C8orf34: variants seen among roughly 807,000 people sequenced by gnomAD.
The protein encoded by C8orf34 is uncharacterized protein C8orf34.
A neutral mutation model predicts 68.3 loss-of-function variants in C8orf34; 65 were observed. The observed-to-expected ratio is 0.95, with a 90% CI of 0.78 to 1.17. The LOEUF (loss-of-function observed/expected upper bound fraction) is 1.17. Among genes scored for constraint, C8orf34 ranks in the 50% most tolerant of loss-of-function variants. C8orf34 has a pLI of 0.00. For synonymous variants in C8orf34, 244 were observed against 241.2 expected, an observed-to-expected ratio of 1.01 and a Z score of -0.11; for missense variants, 664 against 655.4, an observed-to-expected ratio of 1.01 and a Z score of -0.14.
chr8:68,570,571 T>G (rs1353403999), intron 7 of C8orf34, among the ~76,000 whole-genome samples: 1 of 152,202 alleles, frequency 6.6e-6, no homozygotes, highest in African/African-American at 2.4e-5. Context: ...AAACTTGAAA[T>G]GTACTTGGCC....
chr8:68,784,974 C>T (rs892412962), intron 11 of C8orf34, among the ~76,000 whole-genome samples: 3 of 152,026 alleles, frequency 2.0e-5, no homozygotes, highest in Non-Finnish European at 2.9e-5. Context: ...AGATTGGGGT[C>T]GTAGGTGTGT....
In C8orf34 at chr8:68,797,959, A is replaced by G. The variant is rs557693653; in HGVS notation, c.1549+10423A>G. Among the ~76,000 whole-genome samples, 216 of 151,712 alleles carry G rather than the reference A, an allele frequency of 1.4e-3. 1 individual carries two copies. Among genetic ancestry groups the G allele is most frequent in the African/African-American group, 5.0e-3 (205 of 41,112 alleles). ...AATATTTGTAGAGAAAAGACATAAC[A>G]CTCACTGGAAACAACTAAGAATAAA... On this transcript the variant is annotated intron_variant, in intron 12 of 13. Transcript: ENST00000518698.
intron 7 of C8orf34, among the ~76,000 whole-genome samples, chr8:68,614,419 T>A (rs1490076481): frequency 6.6e-6 from 1 of 152,198 alleles, no homozygotes; most frequent in Non-Finnish European, 1.5e-5. Context: ...TTTTATGGTT[T>A]TAGGACTAAC....
At chr8:68,739,662 T>C (rs1221578086) in intron 10 of C8orf34, among the ~76,000 whole-genome samples, 2 of 152,172 alleles carry the variant, frequency 1.3e-5, no homozygotes, top group Admixed American at 1.3e-4. Context: ...ATAGCTCTAC[T>C]GCCCAAAGCA....
At chr8:68,503,725 A>C (rs1813881669) in intron 5 of C8orf34, among the ~76,000 whole-genome samples, 1 of 150,920 alleles carries the variant, frequency 6.6e-6, no homozygotes, top group South Asian at 2.1e-4. Flanking sequence ...CTGAGGCCAA[A>C]GTGACTCAGT....
At chr8:68,391,165 A>G (rs1298536904) in intron 1 of C8orf34, among the ~76,000 whole-genome samples, 4 of 152,116 alleles carry the variant, frequency 2.6e-5, no homozygotes, top group African/African-American at 9.7e-5. Flanking sequence ...TACTTACTCC[A>G]TGAGTAGTAA....
chr8:68,660,607 G>A (rs930995814), intron 8 of C8orf34, among the ~76,000 whole-genome samples: 4 of 152,162 alleles, frequency 2.6e-5, no homozygotes, highest in Non-Finnish European at 5.9e-5. Context: ...CCTGTGCTGT[G>A]CCCCTTTTCT....
At chr8:68,397,122 C>T (rs1321726449) in intron 1 of C8orf34, among the ~76,000 whole-genome samples, 4 of 152,016 alleles carry the variant, frequency 2.6e-5, no homozygotes, top group Non-Finnish European at 5.9e-5. Flanking sequence ...TTGTCTGCCT[C>T]AGCCTCTTGA....
chr8:68,397,772 T>A (rs1808779005), intron 1 of C8orf34, among the ~76,000 whole-genome samples: 1 of 152,114 alleles, frequency 6.6e-6, no homozygotes, highest in South Asian at 2.1e-4. Context: ...CCTATTTTTT[T>A]AATTTTTATT....
At chr8:68,475,553 C>A (rs1051717318) in intron 4 of C8orf34, among the ~76,000 whole-genome samples, 1 of 152,152 alleles carries the variant, frequency 6.6e-6, no homozygotes, top group Non-Finnish European at 1.5e-5. Context: ...AAATGTGAGC[C>A]TTTGGGATAA....
At chr8:68,493,105 G>A (rs1813383382) in intron 5 of C8orf34, among the ~76,000 whole-genome samples, 1 of 152,114 alleles carries the variant, frequency 6.6e-6, no homozygotes, top group Admixed American at 6.5e-5. Flanking sequence ...TATTTCAAAG[G>A]GAAGAGAATG....
intron 5 of C8orf34, among the ~76,000 whole-genome samples, chr8:68,496,828 G>C (rs952011530): frequency 3.9e-5 from 6 of 152,176 alleles, no homozygotes; most frequent in African/African-American, 1.4e-4. Context: ...TGATCCTGTT[G>C]TCTTGCTTCT....
rs557377116 is a variant in C8orf34, at chr8:68,629,591, T to C, written c.1106-10785T>C. On this transcript the variant is annotated intron_variant, in intron 7 of 13. Coordinates refer to ENST00000518698, the MANE Select transcript of C8orf34 (RefSeq NM_052958.4). ...ATTTATCAGATGATCAATTAATTAA[T>C]TATCAAATTATACAAAATCTTATGG... Among the ~76,000 whole-genome samples, 7 of 152,286 alleles carry C rather than the reference T, an allele frequency of 4.6e-5. No homozygotes were observed. The South Asian group carries it at 1.2e-3, about 27-fold the overall frequency.
In C8orf34 at chr8:68,700,385, C is replaced by T. The variant is rs77623717; in HGVS notation, c.1242-8609C>T. 1.1e-3 allele frequency among the ~76,000 whole-genome samples: 161 copies of T among 151,970 alleles called. No homozygotes were observed. The East Asian group carries it at 0.012, about 11-fold the overall frequency. On this transcript the variant is annotated intron_variant, in intron 8 of 13. Transcript: ENST00000518698. ...AATGATCAAGGATGAAAGCGAAGAG[C>T]GAGACGGAGTTAAATGGGTTCGGCA...
At chr8:68,764,499 G>C (rs1055586013) in intron 10 of C8orf34, among the ~76,000 whole-genome samples, 2 of 152,128 alleles carry the variant, frequency 1.3e-5, no homozygotes, top group African/African-American at 4.8e-5. Context: ...TAGCAGAGTG[G>C]GGTGAAGACC....
intron 7 of C8orf34, among the ~76,000 whole-genome samples, chr8:68,611,105 GATC>G (rs1450425123): frequency 2.0e-5 from 3 of 152,172 alleles, no homozygotes; most frequent in Admixed American, 1.3e-4. Flanking sequence ...GACCTCAGGT[GATC>G]ACACTTTAGC....
At chr8:68,765,214 C>T (rs1374655494) in intron 10 of C8orf34, among the ~76,000 whole-genome samples, 3 of 152,180 alleles carry the variant, frequency 2.0e-5, no homozygotes, top group African/African-American at 7.2e-5. Flanking sequence ...GTGGTGTTAT[C>T]GCCATTTACA....
chr8:68,756,136 AG>A (rs1159628095), intron 10 of C8orf34, among the ~76,000 whole-genome samples: 2 of 151,934 alleles, frequency 1.3e-5, no homozygotes, highest in Non-Finnish European at 2.9e-5. Flanking sequence ...AGTGCATATG[AG>A]AGCCGCCAGT....
chr8:68,624,195 C>A (rs530394286), intron 7 of C8orf34, among the ~76,000 whole-genome samples: 1 of 150,426 alleles, frequency 6.6e-6, no homozygotes, highest in African/African-American at 2.5e-5. Context: ...TCACTTGAAT[C>A]TGGGAGGCGG....
Sources: allele counts gnomAD v4.1 joint callset (sites outside exome capture counted in the v4.1 genomes callset), GRCh38; gene constraint gnomAD v4.1.1; transcripts MANE v1.5; gene names NCBI Gene and HGNC (gene_info 2026-07-23, HGNC 2026-07-21).